The following CAMTA1 variants were observed in gnomAD, a reference collection of about 807,000 sequenced individuals.
The protein encoded by CAMTA1 is calmodulin binding transcription activator 1, also known as calmodulin-binding transcription activator 1.
A neutral mutation model predicts 170.9 loss-of-function variants in CAMTA1; 27 were observed. The ratio of observed to expected loss-of-function variants is 0.16; its 90% confidence interval spans 0.12 to 0.22. The LOEUF (loss-of-function observed/expected upper bound fraction) is 0.22, where lower values mean the gene tolerates loss of function less well. Among genes scored for constraint, CAMTA1 ranks in the 10% least tolerant of loss-of-function variants. The pLI, the probability that CAMTA1 is intolerant of heterozygous loss-of-function variation, is 1.00. For missense variants in CAMTA1, 1,619 were observed against 2,217.2 expected, an observed-to-expected ratio of 0.73 and a Z score of 5.42; for synonymous variants, 833 against 891.5, an observed-to-expected ratio of 0.93 and a Z score of 1.17.
chr1:6,879,787 ATT>A (rs760715822), intron 3 of CAMTA1, among the ~76,000 whole-genome samples: 47 of 129,930 alleles, frequency 3.6e-4, no homozygotes, highest in Admixed American at 4.6e-4. Context: ...GCTGCGCCTA[ATT>A]TTTTTTTTTT....
rs2093482946 is a variant in CAMTA1 at position 7,479,866 on chromosome 1, C to T, written c.510+11965C>T. Among the ~76,000 whole-genome samples, 2 of 152,250 alleles carry T rather than the reference C, an allele frequency of 1.3e-5. 1 individual carries two copies. The highest frequency in any genetic ancestry group is 4.1e-4 in the South Asian group (2 of 4,832). Reference sequence around the variant, plus strand: ...CAAGTGCTCCTGTGGGTTCAGCTTCCCTTCAGCTCAGTGTTCTGCACCCCT... The same window carrying T: ...CAAGTGCTCCTGTGGGTTCAGCTTCTCTTCAGCTCAGTGTTCTGCACCCCT... On this transcript the variant is annotated intron_variant, in intron 6 of 22. Coordinates refer to ENST00000303635, the MANE Select transcript of CAMTA1 (RefSeq NM_015215.4).
chr1:7,613,192 GTGTT>G (rs2095535191), intron 6 of CAMTA1, among the ~76,000 whole-genome samples: 1 of 152,370 alleles, frequency 6.6e-6, no homozygotes, highest in African/African-American at 2.4e-5. Flanking sequence ...ATGTAGATGA[GTGTT>G]TGGCCACACA....
intron 3 of CAMTA1, among the ~76,000 whole-genome samples, chr1:6,845,992 G>A (rs1006032054): frequency 6.6e-6 from 1 of 152,184 alleles, no homozygotes; most frequent in South Asian, 2.1e-4. Context: ...GCAGACGAGA[G>A]AATGTGCAGG....
chr1:6,978,165 A>G (rs1437686416), intron 3 of CAMTA1, among the ~76,000 whole-genome samples: 1 of 152,238 alleles, frequency 6.6e-6, no homozygotes, highest in African/African-American at 2.4e-5. Context: ...CGATAGCATA[A>G]CAGGGTGGCT....
chr1:6,974,495 G>A (rs1237542851), intron 3 of CAMTA1, among the ~76,000 whole-genome samples: 1 of 152,226 alleles, frequency 6.6e-6, no homozygotes, highest in Non-Finnish European at 1.5e-5. Context: ...AGGGATTGAA[G>A]TAAATGATGG....
chr1:7,589,044 C>T (rs541832609), intron 6 of CAMTA1, among the ~76,000 whole-genome samples: 2 of 152,350 alleles, frequency 1.3e-5, no homozygotes, highest in African/African-American at 4.8e-5. Flanking sequence ...TAACTGCTTC[C>T]ATTAGCATTC....
intron 3 of CAMTA1, among the ~76,000 whole-genome samples, chr1:6,907,665 C>T (rs1678827476): frequency 6.6e-6 from 1 of 152,206 alleles, no homozygotes; most frequent in Non-Finnish European, 1.5e-5. Flanking sequence ...AGTCGAGCAG[C>T]AGGTACGGGG....
At chr1:6,967,646 T>TA (rs1290963201) in intron 3 of CAMTA1, among the ~76,000 whole-genome samples, 4 of 152,192 alleles carry the variant, frequency 2.6e-5, no homozygotes, top group African/African-American at 9.7e-5. Flanking sequence ...CTCCATGAGC[T>TA]CTGGCTGTGC....
At chr1:7,480,416 T>TGTGTGA (rs1553177376) in intron 6 of CAMTA1, among the ~76,000 whole-genome samples, 5 of 148,666 alleles carry the variant, frequency 3.4e-5, no homozygotes, top group African/African-American at 1.3e-4. Flanking sequence ...TGTGTGTGTG[T>TGTGTGA]GAGAGAGAGA....
intron 5 of CAMTA1, among the ~76,000 whole-genome samples, chr1:7,436,929 C>G (rs1264551015): frequency 6.6e-6 from 1 of 152,082 alleles, no homozygotes; most frequent in Non-Finnish European, 1.5e-5. Context: ...GGGGCACATT[C>G]TGAGCTGTGG....
chr1:7,446,498 G>T (rs948874891), intron 5 of CAMTA1, among the ~76,000 whole-genome samples: 1 of 152,164 alleles, frequency 6.6e-6, no homozygotes, highest in Non-Finnish European at 1.5e-5. Context: ...CTGAGAGACC[G>T]GGAGGGGAAC....
At chr1:7,074,713 ACT>A (rs1212861882) in intron 3 of CAMTA1, among the ~76,000 whole-genome samples, 1 of 152,210 alleles carries the variant, frequency 6.6e-6, no homozygotes, top group East Asian at 1.9e-4. Context: ...TATAGCATTC[ACT>A]GGATTCCAGG....
intron 11 of CAMTA1, among the ~76,000 whole-genome samples, chr1:7,699,712 A>C (rs545737210): frequency 6.6e-6 from 1 of 152,314 alleles, no homozygotes; most frequent in South Asian, 2.1e-4. Flanking sequence ...ATAGTCACTT[A>C]GTGGGTGTGA....
At position 7,696,487 on chromosome 1, in the gene CAMTA1, C is replaced by T. The variant is rs571464566; in HGVS notation, c.2914+18754C>T. On this transcript the variant is annotated intron_variant, in intron 11 of 22. Transcript: ENST00000303635. ...GGGATTACAGGCGTGAGCCACAGTG[C>T]CCAGCCAGTTTTTTTTTTTTTTAAA... Among the ~76,000 whole-genome samples the T allele has an allele frequency of 3.9e-4, 52 of 133,192 alleles. 1 individual carries two copies. The highest frequency in any genetic ancestry group is 2.4e-3 in the Admixed American group (29 of 12,176). The allele number at this position is 133,192 out of a possible 152,430, so 87.4% of individuals were successfully genotyped here. A position where few individuals can be genotyped will look rare whatever the true frequency, so the allele number is the denominator to read the frequency against.
At chr1:7,527,414 G>T (rs2094443302) in intron 6 of CAMTA1, among the ~76,000 whole-genome samples, 1 of 152,214 alleles carries the variant, frequency 6.6e-6, no homozygotes, top group Non-Finnish European at 1.5e-5. Flanking sequence ...GCAGCGCCAG[G>T]TCAACCTCTG....
intron 3 of CAMTA1, among the ~76,000 whole-genome samples, chr1:6,838,966 A>G (rs575008944): frequency 2.0e-5 from 3 of 152,262 alleles, no homozygotes; most frequent in South Asian, 2.1e-4. Flanking sequence ...TGTCTTGCCC[A>G]GGCTGGTCTT....
chr1:7,467,747 T>G, intron 5 of CAMTA1, 83 bp from the exon 6 acceptor site: 1 of 1,312,906 alleles, frequency 7.6e-7, no homozygotes, highest in Non-Finnish European at 1.1e-6. Context: ...TGGCCCCTTC[T>G]TGCTCCTTCT....
At position 7,514,265 on chromosome 1, in the gene CAMTA1, C is replaced by T. The variant is rs115224102; in HGVS notation, c.510+46364C>T. ...GATTCTCCTTAGACCTCCAGCCCTT[C>T]CTAGCCAGACCCCACCCCAAGAGGA... On this transcript the variant is annotated intron_variant, in intron 6 of 22. Transcript: ENST00000303635. 1.6e-4 allele frequency among the ~76,000 whole-genome samples: 25 copies of T among 152,346 alleles called. 1 individual carries two copies. The highest frequency in any genetic ancestry group is 6.0e-4 in the African/African-American group (25 of 41,582).
chr1:7,265,730 T>A (rs989391928), intron 5 of CAMTA1, among the ~76,000 whole-genome samples: 2 of 152,272 alleles, frequency 1.3e-5, no homozygotes, highest in African/African-American at 4.8e-5. Flanking sequence ...TCTCTACTGT[T>A]GCTACTAGCA....
Sources: gnomAD v4.1 joint callset for allele counts (sites outside exome capture counted in the v4.1 genomes callset) on GRCh38, gnomAD v4.1.1 for gene constraint, MANE v1.5 for transcripts, NCBI Gene and HGNC (gene_info 2026-07-23, HGNC 2026-07-21) for gene names.